MAML2: variants seen among roughly 807,000 people sequenced by gnomAD.
The protein encoded by MAML2 is mastermind like transcriptional coactivator 2.
MAML2 carries 22 observed loss-of-function variants against 96.1 expected under a neutral mutation model. The observed-to-expected ratio is 0.23, with a 90% CI of 0.16 to 0.33. MAML2 has a LOEUF of 0.33. Among genes scored for constraint, MAML2 ranks in the 10% least tolerant of loss-of-function variants. The pLI is 1.00. For missense variants in MAML2, 1,367 were observed against 1,392.4 expected (o/e 0.98, Z 0.29); for synonymous variants, 561 against 521.3 (o/e 1.08, Z -1.04).
At chr11:96,118,104 T>C (rs1432877572) in intron 1 of MAML2, among the ~76,000 whole-genome samples, 1 of 152,206 alleles carries the variant, frequency 6.6e-6, no homozygotes, top group Non-Finnish European at 1.5e-5. Context: ...AAGCACATCA[T>C]CTGGTAGAGG....
chr11:96,181,176 C>G (rs1322889376), intron 1 of MAML2, among the ~76,000 whole-genome samples: 1 of 152,186 alleles, frequency 6.6e-6, no homozygotes, highest in Non-Finnish European at 1.5e-5. Context: ...ACGTGCAAGT[C>G]ACAGGGGATG....
chr11:96,242,810 C>T (rs1012458362), intron 1 of MAML2, among the ~76,000 whole-genome samples: 4 of 152,218 alleles, frequency 2.6e-5, no homozygotes, highest in African/African-American at 9.6e-5. Context: ...AATCAGCTTA[C>T]AGCATCACTT....
chr11:96,235,382 T>C (rs1156705092), intron 1 of MAML2, among the ~76,000 whole-genome samples: 2 of 152,242 alleles, frequency 1.3e-5, no homozygotes, highest in African/African-American at 4.8e-5. Context: ...AATAGTCATA[T>C]GGTCCACAAA....
chr11:96,080,613 G>A (rs1460748355), intron 2 of MAML2, among the ~76,000 whole-genome samples: 2 of 152,156 alleles, frequency 1.3e-5, no homozygotes, highest in African/African-American at 4.8e-5. Flanking sequence ...TCATTCCCAT[G>A]CTCTTCCTAC....
chr11:96,110,655 T>C lies in MAML2; in HGVS notation c.514-17138A>G, dbSNP rs116644501. 5.6e-3 allele frequency among the ~76,000 whole-genome samples: 856 copies of C among 151,722 alleles called. 7 individuals are homozygous for C. The highest frequency in any genetic ancestry group is 0.02 in the African/African-American group (829 of 41,328). On this transcript the variant is annotated intron_variant, in intron 1 of 4. Coordinates refer to ENST00000524717, the MANE Select transcript of MAML2 (RefSeq NM_032427.4). ...TCGGTGTTGCATTCAGGTATTCTTT[T>C]GGTTGGGTTTTATTTCCAAATAAAT...
intron 1 of MAML2, among the ~76,000 whole-genome samples, chr11:96,189,064 G>GTTTTTTTTTTTTT: frequency 7.1e-6 from 1 of 141,530 alleles, no homozygotes. Context: ...GCTAGAAACT[G>GTTTTTTTTTTTTT]TTTTGTTTTT....
chr11:96,063,346 C>G (rs746828833), intron 2 of MAML2, among the ~76,000 whole-genome samples: 30 of 152,350 alleles, frequency 2.0e-4, no homozygotes, highest in Non-Finnish European at 3.5e-4. Context: ...CCCAGCTAGA[C>G]TGCAGGTTCT....
At chr11:96,282,216 T>C (rs1012586380) in intron 1 of MAML2, among the ~76,000 whole-genome samples, 1 of 147,218 alleles carries the variant, frequency 6.8e-6, no homozygotes, top group Non-Finnish European at 1.5e-5. Context: ...GTCACTGCAC[T>C]CCAACCTGGG....
rs898734498 is a variant in MAML2 at position 95,976,875 on chromosome 11, G to T, written c.*2073C>A. 4 of 187,862 alleles carry T rather than the reference G, an allele frequency of 2.1e-5. No individual in the cohort carries two copies. Among genetic ancestry groups the T allele is most frequent in the Admixed American group, 6.2e-5 (1 of 16,120 alleles). The allele number at this position is 187,862 out of a possible 1,614,324, so 11.6% of individuals were successfully genotyped here. ...TTTTTTTCTTTTTGTATGGAGAAAT[G>T]CTGCCTTATAAAATCGGAAAACACA... On this transcript the variant is annotated 3_prime_UTR_variant, in exon 5 of 5. Transcript: ENST00000524717.
chr11:96,103,544 A>G (rs7103378), intron 1 of MAML2, among the ~76,000 whole-genome samples: 3,073 of 152,270 alleles, frequency 0.02, 104 homozygotes, highest in African/African-American at 0.069. Flanking sequence ...TTGGCTACCA[A>G]AAAGGTCCCT....
At chr11:95,981,465 G>A (rs1857736053) in intron 4 of MAML2, among the ~76,000 whole-genome samples, 2 of 152,230 alleles carry the variant, frequency 1.3e-5, no homozygotes, top group African/African-American at 2.4e-5. Flanking sequence ...ATATCACAAT[G>A]TCAGTGGATG....
chr11:96,186,339 C>G (rs1433560729), intron 1 of MAML2, among the ~76,000 whole-genome samples: 4 of 152,184 alleles, frequency 2.6e-5, no homozygotes, highest in Non-Finnish European at 5.9e-5. Flanking sequence ...CCTGTAATCC[C>G]AGCACTTTGG....
At chr11:96,244,517 A>AAATGGTTT (rs2135962783) in intron 1 of MAML2, among the ~76,000 whole-genome samples, 2 of 152,368 alleles carry the variant, frequency 1.3e-5, no homozygotes, top group Non-Finnish European at 2.9e-5. Flanking sequence ...CCTTAAATTA[A>AAATGGTTT]AAATGGTTTA....
At chr11:96,032,570 G>C (rs1858634723) in intron 2 of MAML2, among the ~76,000 whole-genome samples, 1 of 127,480 alleles carries the variant, frequency 7.8e-6, no homozygotes, top group Non-Finnish European at 1.6e-5. Context: ...CTGGGTGACA[G>C]AGCAAGAGTC....
At position 96,030,947 on chromosome 11, in the gene MAML2, C is replaced by T. The variant is rs148713441; in HGVS notation, c.2140-39224G>A. Reference sequence around the variant, plus strand: ...AAGGGTGGACAAATAAGGATTCATGCATTCTCTCTTTCCTTCCTCTGAACA... The same window carrying T: ...AAGGGTGGACAAATAAGGATTCATGTATTCTCTCTTTCCTTCCTCTGAACA... On this transcript the variant is annotated intron_variant, in intron 2 of 4. Coordinates refer to ENST00000524717, the MANE Select transcript of MAML2 (RefSeq NM_032427.4). Among the ~76,000 whole-genome samples the T allele has an allele frequency of 7.9e-5, 12 of 152,316 alleles. No homozygotes were observed. The East Asian group carries it at 2.3e-3, about 29-fold the overall frequency.
chr11:96,119,996 T>C (rs1197986042), intron 1 of MAML2, among the ~76,000 whole-genome samples: 7 of 150,192 alleles, frequency 4.7e-5, no homozygotes, highest in Non-Finnish European at 7.4e-5. Flanking sequence ...CTCACTCTGT[T>C]ACCCAGGCTG....
intron 2 of MAML2, among the ~76,000 whole-genome samples, chr11:96,054,559 C>A (rs1023404196): frequency 6.6e-6 from 1 of 151,922 alleles, no homozygotes; most frequent in East Asian, 1.9e-4. Flanking sequence ...TAAGTAGGAC[C>A]AATTCTATTT....
At chr11:96,299,044 C>G (rs888596878) in intron 1 of MAML2, among the ~76,000 whole-genome samples, 5 of 80,792 alleles carry the variant, frequency 6.2e-5, no homozygotes, top group African/African-American at 2.7e-4. Context: ...GAGTCCATCT[C>G]AAAAAAAAAA....
At chr11:96,333,341 T>TG (rs1305003926) in intron 1 of MAML2, among the ~76,000 whole-genome samples, 1 of 151,530 alleles carries the variant, frequency 6.6e-6, no homozygotes, top group Non-Finnish European at 1.5e-5. Flanking sequence ...GGTTAAATCA[T>TG]GGGGAGTAAG....
Sources: allele counts gnomAD v4.1 joint callset (sites outside exome capture counted in the v4.1 genomes callset), GRCh38; gene constraint gnomAD v4.1.1; transcripts MANE v1.5; gene names NCBI Gene and HGNC (gene_info 2026-07-23, HGNC 2026-07-21).